RASGRP1: variants seen among roughly 807,000 people sequenced by gnomAD.
RASGRP1 encodes the protein RAS guanyl-releasing protein 1.
A neutral mutation model predicts 95.1 loss-of-function variants in RASGRP1; 37 were observed. The observed-to-expected ratio is 0.39, with a 90% CI of 0.30 to 0.51. RASGRP1 has a LOEUF of 0.51. RASGRP1 is among the 20% of genes least tolerant of loss of function. The probability of loss-of-function intolerance (pLI) is 0.80; values close to 1 mark genes in which losing one functional copy is unlikely to be tolerated. For missense variants in RASGRP1, 711 were observed against 965.4 expected, an observed-to-expected ratio of 0.74 and a Z score of 3.49; for synonymous variants, 325 against 353.4, an observed-to-expected ratio of 0.92 and a Z score of 0.90.
In RASGRP1 at chr15:38,548,030, G is replaced by T. The variant is rs139187718; in HGVS notation, c.220+11791C>A. 2.9e-3 allele frequency among the ~76,000 whole-genome samples: 428 copies of T among 149,030 alleles called. 6 individuals carry two copies. The highest frequency in any genetic ancestry group is 0.01 in the African/African-American group (409 of 40,112). ...CCCAGGAATTGAGCATCTCAGTGCTGATTGGGGAATGCGCTGTGACACGAG... is the reference window on the plus strand; with the variant it reads ...CCCAGGAATTGAGCATCTCAGTGCTTATTGGGGAATGCGCTGTGACACGAG... On this transcript the variant is annotated intron_variant, in intron 2 of 16. Transcript: ENST00000310803.
In RASGRP1 at chr15:38,516,122, A is replaced by G. The variant is rs1375264830; in HGVS notation, c.675+75T>C. The stretch of plus-strand genomic sequence containing the variant: ...GGGGGCCTCTAAGGTTATGAAGCGG[A>G]TGGGCTGTTGAATTATCATCTTATT... On this transcript the variant is annotated intron_variant, in intron 6 of 16. Coordinates refer to ENST00000310803, the MANE Select transcript of RASGRP1 (RefSeq NM_005739.4). 51 of 1,486,828 alleles carry G rather than the reference A, an allele frequency of 3.4e-5. No homozygotes were observed. The East Asian group carries it at 8.4e-4, about 25-fold the overall frequency. The allele number at this position is 1,486,828 out of a possible 1,614,324, so 92.1% of individuals were successfully genotyped here.
In RASGRP1 at chr15:38,501,176, C is replaced by T; in HGVS notation, c.1650G>A (p.Leu550=). The change falls in exon 13 of 17, where the codon CTG becomes CTA. Residue 550 remains leucine (L), a synonymous_variant. Transcript: ENST00000310803. Reference sequence around the variant, plus strand: ...CACAGTTGTCACAAAAAGTGGGCTTCAGGTAGGTGGTCTCTTGGAAGTTGT... The same window carrying T: ...CACAGTTGTCACAAAAAGTGGGCTTTAGGTAGGTGGTCTCTTGGAAGTTGT... ...FPHNFQETTY[L]KPTFCDNCAG... is the part of the protein sequence containing the mutation. The T allele has an allele frequency of 6.2e-7, 1 of 1,611,356 alleles. No individual in the cohort carries two copies. Among genetic ancestry groups the T allele is most frequent in the Non-Finnish European group, 8.5e-7 (1 of 1,178,718 alleles).
At chr15:38,543,464 A>G (rs955325228) in intron 2 of RASGRP1, among the ~76,000 whole-genome samples, 1 of 151,072 alleles carries the variant, frequency 6.6e-6, no homozygotes, top group African/African-American at 2.4e-5. Flanking sequence ...GAAAACAGGT[A>G]GTGTAAATTT....
At chr15:38,499,177 C>A (rs1285773833) in intron 14 of RASGRP1, 2 of 675,224 alleles carry the variant, frequency 3.0e-6, no homozygotes, top group Admixed American at 4.1e-5. Context: ...GAAGCAGTAT[C>A]CTGATATCTT....
At chr15:38,495,192 A>G (rs889241665) in intron 15 of RASGRP1, among the ~76,000 whole-genome samples, 1 of 152,176 alleles carries the variant, frequency 6.6e-6, no homozygotes, top group African/African-American at 2.4e-5. Flanking sequence ...GACACCCTCT[A>G]GCAGGTAAGT....
intron 2 of RASGRP1, among the ~76,000 whole-genome samples, chr15:38,555,118 G>A (rs1397772293): frequency 6.6e-6 from 1 of 152,244 alleles, no homozygotes; most frequent in Non-Finnish European, 1.5e-5. Context: ...ATGGCCCTGA[G>A]TGTGTGTTTG....
chr15:38,492,868 C>G (rs989222270), intron 16 of RASGRP1, among the ~76,000 whole-genome samples: 74 of 151,532 alleles, frequency 4.9e-4, no homozygotes, highest in Non-Finnish European at 1.0e-3. Context: ...TTCCCGTCTC[C>G]TACTCCTCCC....
In RASGRP1 at chr15:38,512,914, C is replaced by T; in HGVS notation, c.718G>A (p.Glu240Lys). Reference protein sequence around the residue: ...QNYLVNSCVKENPTMERSIAL... With the variant: ...QNYLVNSCVKKNPTMERSIAL... ...ATAGATCGCTCCATGGTGGGGTTTT[C>T]CTTCACACAGCTATTTACAAGGTAA... Residue 240 changes from glutamate to lysine, a missense_variant, in exon 7 of 17, where the codon GAA (glutamate) becomes AAA (lysine). Transcript: ENST00000310803. 6.3e-7 allele frequency: 1 copy of T among 1,595,336 alleles called. No homozygotes were observed.
At chr15:38,528,633 A>T (rs1046837425) in intron 2 of RASGRP1, among the ~76,000 whole-genome samples, 8 of 152,138 alleles carry the variant, frequency 5.3e-5, no homozygotes, top group Non-Finnish European at 1.0e-4. Context: ...AAATGTCAGC[A>T]TGCTCTGTGG....
chr15:38,541,484 T>C (rs931702433), intron 2 of RASGRP1, among the ~76,000 whole-genome samples: 2 of 152,054 alleles, frequency 1.3e-5, no homozygotes, highest in African/African-American at 2.4e-5. Context: ...CCCAGCTATT[T>C]GGGAGGCTGA....
At chr15:38,519,819 T>C (rs1026420537) in intron 3 of RASGRP1, among the ~76,000 whole-genome samples, 6 of 148,270 alleles carry the variant, frequency 4.0e-5, no homozygotes, top group Admixed American at 2.1e-4. Context: ...GATACACATG[T>C]ATGCAGTGAA....
chr15:38,563,077 G>A (rs547851001), intron 1 of RASGRP1, among the ~76,000 whole-genome samples: 6 of 152,264 alleles, frequency 3.9e-5, no homozygotes, highest in African/African-American at 4.8e-5. Flanking sequence ...CTAAGAAGAT[G>A]GGGATTATCT....
chr15:38,543,655 T>C (rs1459647479), intron 2 of RASGRP1, among the ~76,000 whole-genome samples: 1 of 150,430 alleles, frequency 6.6e-6, no homozygotes, highest in Non-Finnish European at 1.5e-5. Flanking sequence ...TTTCTTTTTT[T>C]TTTTTTGCAT....
chr15:38,502,570 C>A, intron 11 of RASGRP1, 149 bp from the exon 12 acceptor site: 1 of 605,688 alleles, frequency 1.7e-6, no homozygotes, highest in Non-Finnish European at 2.9e-6. Flanking sequence ...TTAGCTGTGG[C>A]AAAGATGTGG....
intron 2 of RASGRP1, among the ~76,000 whole-genome samples, chr15:38,528,511 T>G (rs979054175): frequency 6.6e-6 from 1 of 152,148 alleles, no homozygotes; most frequent in Non-Finnish European, 1.5e-5. Flanking sequence ...ACAACCCAAG[T>G]TGATGACTCT....
chr15:38,526,384 G>C lies in RASGRP1; in HGVS notation c.241C>G (p.Arg81Gly). 1 of 1,612,970 alleles carries C rather than the reference G, an allele frequency of 6.2e-7. No individual in the cohort carries two copies. The highest frequency in any genetic ancestry group is 8.5e-7 in the Non-Finnish European group (1 of 1,179,266). The change falls in exon 3 of 17, where the codon CGA becomes GGA. Residue 81 changes from arginine (R) to glycine (G), a missense_variant. Coordinates refer to ENST00000310803, the MANE Select transcript of RASGRP1 (RefSeq NM_005739.4). ...ATGACTTGCAACAGTTGGTTACTTC[G>C]ACACAGGTTTCCATCTGCATCTGAA... is the stretch of plus-strand genomic sequence containing the variant. ...QSFDADGNLC[R>G]SNQLLQVMLT...
intron 9 of RASGRP1, among the ~76,000 whole-genome samples, chr15:38,506,246 G>A (rs999063297): frequency 6.6e-6 from 1 of 152,214 alleles, no homozygotes; most frequent in Non-Finnish European, 1.5e-5. Flanking sequence ...GCAGACAGAT[G>A]ATCTGAAAGG....
chr15:38,539,995 C>G (rs1387045445), intron 2 of RASGRP1, among the ~76,000 whole-genome samples: 1 of 152,198 alleles, frequency 6.6e-6, no homozygotes, highest in Non-Finnish European at 1.5e-5. Flanking sequence ...TGGCTCACTG[C>G]ACACTTGACT....
chr15:38,512,725 A>G (rs1011703753), intron 7 of RASGRP1, 58 bp downstream of exon 7: 7 of 1,594,296 alleles, frequency 4.4e-6, no homozygotes, highest in Non-Finnish European at 6.0e-6. Context: ...GCTGGAGGAA[A>G]AGGGGATAGA....
Sources: gnomAD v4.1 joint callset for allele counts (sites outside exome capture counted in the v4.1 genomes callset) on GRCh38, gnomAD v4.1.1 for gene constraint, MANE v1.5 for transcripts, NCBI Gene and HGNC (gene_info 2026-07-23, HGNC 2026-07-21) for gene names.